PTCD1: variants seen among roughly 807,000 people sequenced by gnomAD.
The protein encoded by PTCD1 is pentatricopeptide repeat-containing protein 1, mitochondrial.
Under a neutral mutation model 53.4 loss-of-function variants are expected in PTCD1, and 50 were observed. The observed-to-expected ratio is 0.94, with a 90% CI of 0.75 to 1.19. PTCD1 has a LOEUF of 1.19. PTCD1 is among the 50% of genes most tolerant of loss of function. The probability of loss-of-function intolerance (pLI) is 0.00; values close to 1 mark genes in which losing one functional copy is unlikely to be tolerated. For synonymous variants in PTCD1, 413 were observed against 394.8 expected (o/e 1.05, Z -0.55); for missense variants, 918 against 904.8 (o/e 1.01, Z -0.19).
At position 99,433,281 on chromosome 7, in the gene PTCD1, G is replaced by C. The variant is rs1353926423; in HGVS notation, c.591C>G (p.Asn197Lys). ...GCTGCCCTGCGCCCACATGCACCTG[G>C]TTGTAGAGGTTGAAGGCCTTCTTCA... Reference protein sequence around the residue: ...GYLKKAFNLYNQMKKRDLEPS... With the variant: ...GYLKKAFNLYKQMKKRDLEPS... The change falls in exon 3 of 8, where the codon AAC becomes AAG. Residue 197 changes from asparagine (N) to lysine (K), a missense_variant. By Grantham distance (94) the Asn-to-Lys change is moderately conservative. Transcript: ENST00000292478. 9 of 1,614,026 alleles carry C rather than the reference G, an allele frequency of 5.6e-6. No individual in the cohort carries two copies. The highest frequency in any genetic ancestry group is 7.6e-6 in the Non-Finnish European group (9 of 1,180,022).
chr7:99,419,491 C>A lies in PTCD1; in HGVS notation c.*476G>T. On this transcript the variant is annotated 3_prime_UTR_variant, in exon 8 of 8. Coordinates refer to ENST00000292478, the MANE Select transcript of PTCD1 (RefSeq NM_015545.4). Reference sequence around the variant, plus strand: ...CTGGACTTCGCAGGTTCCTGCCTGTCACGCCACCCCCTTCCTGGGAGCAGC... The same window carrying A: ...CTGGACTTCGCAGGTTCCTGCCTGTAACGCCACCCCCTTCCTGGGAGCAGC... 6.3e-7 allele frequency: 1 copy of A among 1,599,990 alleles called. No homozygotes were observed. The highest frequency in any genetic ancestry group is 1.1e-5 in the South Asian group (1 of 90,926).
Position 99,417,415 on chromosome 7 carries a change from C to T in PTCD1, c.*2552G>A, listed in dbSNP as rs1795560631. On this transcript the variant is annotated 3_prime_UTR_variant, in exon 8 of 8. Coordinates refer to ENST00000292478, the MANE Select transcript of PTCD1 (RefSeq NM_015545.4). Reference sequence around the variant, plus strand: ...AGACCATGGCCTGATGCTCTTTCCCCATCTTTTTGACAGAACTCTATGAAT... The same window carrying T: ...AGACCATGGCCTGATGCTCTTTCCCTATCTTTTTGACAGAACTCTATGAAT... 9 of 1,613,260 alleles carry T rather than the reference C, an allele frequency of 5.6e-6. No homozygotes were observed. In the East Asian group the frequency reaches 1.6e-4, roughly 28 times the overall value.
At chr7:99,423,106 A>C (rs1417050183) in intron 7 of PTCD1, among the ~76,000 whole-genome samples, 2 of 145,730 alleles carry the variant, frequency 1.4e-5, no homozygotes, top group Non-Finnish European at 3.0e-5. Context: ...CCAAGTCTCC[A>C]TCTATCGCCC....
Position 99,425,180 on chromosome 7 carries a change from G to A in PTCD1, c.1352C>T (p.Thr451Ile). The A allele has an allele frequency of 1.2e-6, 2 of 1,613,462 alleles. No homozygotes were observed. Among genetic ancestry groups the A allele is most frequent in the Non-Finnish European group, 1.7e-6 (2 of 1,179,460 alleles). The change falls in exon 6 of 8, where the codon ACA becomes ATA. Residue 451 changes from threonine (T) to isoleucine (I), a missense_variant. Transcript: ENST00000292478. Reference sequence around the variant, plus strand: ...GGTCACCGTTCCAAAGGAGACCACTGTAGGGGGAACGGCCCCGGGGGTCAG... The same window carrying A: ...GGTCACCGTTCCAAAGGAGACCACTATAGGGGGAACGGCCCCGGGGGTCAG... The part of the protein sequence containing the change: ...NLLTPGAVPP[T>I]VVSFGTVTTP...
intron 1 of PTCD1, among the ~76,000 whole-genome samples, chr7:99,438,270 C>T (rs1027415090): frequency 6.6e-6 from 1 of 151,474 alleles, no homozygotes; most frequent in African/African-American, 2.4e-5. Context: ...CCACCCGCCC[C>T]CCCAACCCCG....
At position 99,418,047 on chromosome 7, in the gene PTCD1, A is replaced by G; in HGVS notation, c.*1920T>C. ...CAGTGATGCCATCTTGGCTCACTGCAACCTCCACCTCCCGGGTTCAAGCGG... is the reference window on the plus strand; with the variant it reads ...CAGTGATGCCATCTTGGCTCACTGCGACCTCCACCTCCCGGGTTCAAGCGG... On this transcript the variant is annotated 3_prime_UTR_variant, in exon 8 of 8. Coordinates refer to ENST00000292478, the MANE Select transcript of PTCD1 (RefSeq NM_015545.4). The G allele has an allele frequency of 2.9e-6, 3 of 1,052,402 alleles. No individual in the cohort carries two copies. In the East Asian group the frequency reaches 2.5e-4, roughly 88 times the overall value. 65.2% of individuals were successfully genotyped at this position (1,052,402 alleles called of 1,614,324 possible). A position where few individuals can be genotyped will look rare whatever the true frequency, so the allele number is the denominator to read the frequency against.
chr7:99,425,700 G>A, intron 5 of PTCD1, 84 bp from the exon 6 acceptor site: 2 of 1,512,484 alleles, frequency 1.3e-6, no homozygotes, highest in Non-Finnish European at 1.8e-6. Flanking sequence ...CCAGCACCTT[G>A]GGAGTTTTAG....
chr7:99,424,016 C>T, intron 6 of PTCD1, 59 bp from the exon 7 acceptor site: 1 of 1,587,044 alleles, frequency 6.3e-7, no homozygotes, highest in Non-Finnish European at 8.6e-7. Flanking sequence ...CCCAGCAGCT[C>T]CCACCCTCTG....
Position 99,433,457 on chromosome 7 carries a change from C to A in PTCD1, c.454-39G>T, listed in dbSNP as rs1009219072. On this transcript the variant is annotated intron_variant, in intron 2 of 7. Coordinates refer to ENST00000292478, the MANE Select transcript of PTCD1 (RefSeq NM_015545.4). ...GCAACAGGGCAGGGGCTCAGAATGGCCCCAGAGACCCTCAGCAGAGAGAGG... is the reference window on the plus strand; with the variant it reads ...GCAACAGGGCAGGGGCTCAGAATGGACCCAGAGACCCTCAGCAGAGAGAGG... The A allele has an allele frequency of 2.5e-6, 4 of 1,613,512 alleles. No homozygotes were observed. The African/African-American group carries it at 5.3e-5, about 22-fold the overall frequency.
In PTCD1 at chr7:99,419,506, C is replaced by G; in HGVS notation, c.*461G>C. On this transcript the variant is annotated 3_prime_UTR_variant, in exon 8 of 8. Coordinates refer to ENST00000292478, the MANE Select transcript of PTCD1 (RefSeq NM_015545.4). Reference sequence around the variant, plus strand: ...TCCTGCCTGTCACGCCACCCCCTTCCTGGGAGCAGCGAGCAGTGCCCCAGG... The same window carrying G: ...TCCTGCCTGTCACGCCACCCCCTTCGTGGGAGCAGCGAGCAGTGCCCCAGG... The G allele has an allele frequency of 6.3e-7, 1 of 1,587,136 alleles. No homozygotes were observed. The highest frequency in any genetic ancestry group is 1.1e-5 in the South Asian group (1 of 90,686).
At chr7:99,421,214 C>T (rs952392778) in intron 7 of PTCD1, among the ~76,000 whole-genome samples, 12 of 152,004 alleles carry the variant, frequency 7.9e-5, no homozygotes, top group Non-Finnish European at 1.3e-4. Context: ...CCGAGGCAGG[C>T]GGATTACATG....
chr7:99,438,451 C>A (rs1279720234), intron 1 of PTCD1: 2 of 995,428 alleles, frequency 2.0e-6, no homozygotes, highest in South Asian at 2.3e-5. Context: ...GGCCACAGAG[C>A]GAGAAAAAAC....
In PTCD1 at chr7:99,434,802, G is replaced by T; in HGVS notation, c.441C>A (p.Ile147=). 3 of 1,614,080 alleles carry T rather than the reference G, an allele frequency of 1.9e-6. No individual in the cohort carries two copies. The South Asian group carries it at 3.3e-5, about 18-fold the overall frequency. ...YWYFLQCKHL[I]KEGKLVEALD... ...AAGTGCCCCTTACCTTCCCTTCCTT[G>T]ATCAGGTGTTTGCACTGCAAGAAGT... Residue 147 remains isoleucine (I), a synonymous_variant, in exon 2 of 8, where the codon ATC becomes ATA. Coordinates refer to ENST00000292478, the MANE Select transcript of PTCD1 (RefSeq NM_015545.4).
In PTCD1 at chr7:99,417,169, G is replaced by C; in HGVS notation, c.*2798C>G. The C allele has an allele frequency of 2.6e-6, 1 of 383,114 alleles. No individual in the cohort carries two copies. Among genetic ancestry groups the C allele is most frequent in the South Asian group, 2.3e-5 (1 of 44,290 alleles). The allele number at this position is 383,114 out of a possible 1,614,324, so 23.7% of individuals were successfully genotyped here. A position where few individuals can be genotyped will look rare whatever the true frequency, so the allele number is the denominator to read the frequency against. The stretch of plus-strand genomic sequence containing the variant: ...CCTCCTGGGTTCAAGTGATTCTCCT[G>C]CCTCAGCCTCCTAAGTAGCTGGGAT... On this transcript the variant is annotated 3_prime_UTR_variant, in exon 8 of 8. Transcript: ENST00000292478.
At position 99,429,723 on chromosome 7, in the gene PTCD1, T is replaced by C; in HGVS notation, c.678A>G (p.Ser226=). 1 of 1,614,242 alleles carries C rather than the reference T, an allele frequency of 6.2e-7. No homozygotes were observed. Among genetic ancestry groups the C allele is most frequent in the Non-Finnish European group, 8.5e-7 (1 of 1,180,044 alleles). ...GGAGCTTCAGGGCGCTCTGTAGAGC[T>C]GAGTCCTTCCAGGGGGACTCGGCAC... is the stretch of plus-strand genomic sequence containing the variant. ...NVCAESPWKD[S]ALQSALKLRQ... is the part of the protein sequence containing the mutation. The change falls in exon 4 of 8, where the codon TCA becomes TCG. Residue 226 remains serine, a synonymous_variant. Transcript: ENST00000292478.
In PTCD1 at chr7:99,423,799, G is replaced by A. The variant is rs767256780; in HGVS notation, c.1896C>T (p.Ala632=). ...EVVIRQLEFA[A]QYPPTFDRYQ... ...CCCGGTCAAAGGTGGGAGGGTACTG[G>A]GCTGCAAACTCCAGCTGGCGGATGA... is the stretch of plus-strand genomic sequence containing the variant. The change falls in exon 7 of 8, where the codon GCC becomes GCT. Residue 632 remains alanine (A), a synonymous_variant. Transcript: ENST00000292478. The A allele has an allele frequency of 5.6e-6, 9 of 1,614,124 alleles. No individual in the cohort carries two copies. The highest frequency in any genetic ancestry group is 7.6e-6 in the Non-Finnish European group (9 of 1,180,032).
In PTCD1 at chr7:99,417,702, C is replaced by A; in HGVS notation, c.*2265G>T. 6.5e-7 allele frequency: 1 copy of A among 1,546,462 alleles called. No individual in the cohort carries two copies. Among genetic ancestry groups the A allele is most frequent in the Admixed American group, 1.9e-5 (1 of 51,774 alleles). The stretch of plus-strand genomic sequence containing the variant: ...GGTTGGGCTGGAATGTCGTTTTGTC[C>A]CTGGATGTCCTGCTGGCTCTCCCTC... On this transcript the variant is annotated 3_prime_UTR_variant, in exon 8 of 8. Transcript: ENST00000292478.
rs764479658 is a variant in PTCD1, at chr7:99,424,795, C to T, written c.1737G>A (p.Lys579=). The T allele has an allele frequency of 6.2e-7, 1 of 1,614,200 alleles. No homozygotes were observed. The highest frequency in any genetic ancestry group is 1.3e-5 in the African/African-American group (1 of 75,064). ...KDGLQLLTDM[K]KSQVTPNTHI... ...CCTGCCCAGGCCCGAGTCCACTCAC[C>T]TTCATGTCTGTGAGAAGCTGTAGAC... Residue 579 remains lysine, a splice_region_variant and synonymous_variant, in exon 6 of 8, where the codon AAG becomes AAA. Transcript: ENST00000292478.
At chr7:99,438,416 G>C (rs1389295665) in intron 1 of PTCD1, 1 of 691,530 alleles carries the variant, frequency 1.4e-6, no homozygotes, top group African/African-American at 2.0e-5. Context: ...AGTGAGCTAT[G>C]ATCGTACCCC....
Sources: gnomAD v4.1 joint callset for allele counts (sites outside exome capture counted in the v4.1 genomes callset) on GRCh38, gnomAD v4.1.1 for gene constraint, MANE v1.5 for transcripts, NCBI Gene and HGNC (gene_info 2026-07-23, HGNC 2026-07-21) for gene names.